AKAP13: variants seen among roughly 807,000 people sequenced by gnomAD.
The protein encoded by AKAP13 is A-kinase anchor protein 13.
Under a neutral mutation model 264.5 loss-of-function variants are expected in AKAP13, and 80 were observed. The observed-to-expected ratio is 0.30, with a 90% CI of 0.25 to 0.36. The LOEUF is 0.36. Among genes scored for constraint, AKAP13 ranks in the 10% least tolerant of loss-of-function variants. The pLI, the probability that AKAP13 is intolerant of heterozygous loss-of-function variation, is 1.00. For synonymous variants in AKAP13, 1,380 were observed against 1,250.2 expected, an observed-to-expected ratio of 1.10 and a Z score of -2.19; for missense variants, 3,712 against 3,435.2, an observed-to-expected ratio of 1.08 and a Z score of -2.01.
In AKAP13 at chr15:85,619,776, C is replaced by T. The variant is rs370725551; in HGVS notation, c.4162-19598C>T. On this transcript the variant is annotated intron_variant, in intron 8 of 36. Coordinates refer to ENST00000394518, the MANE Select transcript of AKAP13 (RefSeq NM_007200.5). ...AGTGATGGAAACGGTGTTTGCTTCT[C>T]TTTCAGTCAAGATCTGCACAAAGTA... 8.9e-5 allele frequency: 95 copies of T among 1,072,460 alleles called. 1 individual carries two copies. The East Asian group carries it at 4.6e-3, about 52-fold the overall frequency. 66.4% of individuals were successfully genotyped at this position (1,072,460 alleles called of 1,614,324 possible). A position where few individuals can be genotyped will look rare whatever the true frequency, so the allele number is the denominator to read the frequency against.
intron 1 of AKAP13, among the ~76,000 whole-genome samples, chr15:85,421,902 C>T (rs1207218428): frequency 1.3e-5 from 2 of 152,222 alleles, no homozygotes; most frequent in Non-Finnish European, 2.9e-5. Context: ...TATAATGTCA[C>T]CATTCGTGCT....
intron 4 of AKAP13, chr15:85,536,015 T>A (rs759295180): frequency 4.6e-5 from 7 of 152,246 alleles, no homozygotes; most frequent in Non-Finnish European, 8.8e-5. Flanking sequence ...TTGCCCAGGC[T>A]GGTCTTGAAC....
Position 85,579,577 on chromosome 15 carries a change from T to G in AKAP13, c.1509T>G (p.Ser503Arg). The change falls in exon 7 of 37, where the codon AGT becomes AGG. Residue 503 changes from serine to arginine, a missense_variant. Transcript: ENST00000394518. ...VWKNVLQGGE[S>R]TKERFENSNI... Reference sequence around the variant, plus strand: ...AGAATGTGCTTCAGGGAGGGGAAAGTACAAAGGAAAGATTTGAGAACTCTA... The same window carrying G: ...AGAATGTGCTTCAGGGAGGGGAAAGGACAAAGGAAAGATTTGAGAACTCTA... 6.2e-7 allele frequency: 1 copy of G among 1,614,116 alleles called. No homozygotes were observed. The highest frequency in any genetic ancestry group is 8.5e-7 in the Non-Finnish European group (1 of 1,180,020).
At chr15:85,725,848 T>G (rs1036245657) in intron 26 of AKAP13, among the ~76,000 whole-genome samples, 3 of 152,214 alleles carry the variant, frequency 2.0e-5, no homozygotes, top group Non-Finnish European at 4.4e-5. Context: ...TATTCACATG[T>G]ACCTGTAAGA....
intron 5 of AKAP13, among the ~76,000 whole-genome samples, chr15:85,571,377 G>A (rs2078813744): frequency 6.6e-6 from 1 of 151,908 alleles, no homozygotes; most frequent in South Asian, 2.1e-4. Flanking sequence ...CTATAGATCT[G>A]TTCTTTAATT....
chr15:85,417,339 G>T (rs1001471951), intron 1 of AKAP13, among the ~76,000 whole-genome samples: 2 of 152,122 alleles, frequency 1.3e-5, no homozygotes, highest in Non-Finnish European at 2.9e-5. Context: ...TTTAAAATTG[G>T]TATGTATGAC....
At chr15:85,595,309 A>G (rs1275917719) in intron 8 of AKAP13, among the ~76,000 whole-genome samples, 2 of 152,036 alleles carry the variant, frequency 1.3e-5, no homozygotes, top group Non-Finnish European at 2.9e-5. Context: ...AATGTTGCCC[A>G]GGCTGGTCTC....
At chr15:85,402,173 A>T (rs561776710) in intron 1 of AKAP13, among the ~76,000 whole-genome samples, 2 of 152,308 alleles carry the variant, frequency 1.3e-5, no homozygotes, top group Non-Finnish European at 2.9e-5. Context: ...AGATCCTTGG[A>T]ATTACATCAA....
intron 5 of AKAP13, among the ~76,000 whole-genome samples, chr15:85,564,271 G>A (rs1287064274): frequency 3.3e-5 from 5 of 152,194 alleles, no homozygotes; most frequent in African/African-American, 4.8e-5. Context: ...TGCAAGAAAC[G>A]TGCAATGAAC....
intron 1 of AKAP13, among the ~76,000 whole-genome samples, chr15:85,475,937 G>A (rs768261723): frequency 7.2e-5 from 11 of 152,124 alleles, no homozygotes; most frequent in Non-Finnish European, 1.3e-4. Context: ...GAGCAGTAGT[G>A]GTGTGGAGGG....
chr15:85,714,564 A>AG (rs1031574393), intron 19 of AKAP13, among the ~76,000 whole-genome samples: 4 of 152,230 alleles, frequency 2.6e-5, no homozygotes, highest in African/African-American at 4.8e-5. Flanking sequence ...CTAGAAGACA[A>AG]GGGGGGCTGA....
At chr15:85,554,000 G>A (rs1041891661) in intron 5 of AKAP13, among the ~76,000 whole-genome samples, 1 of 152,156 alleles carries the variant, frequency 6.6e-6, no homozygotes, top group East Asian at 1.9e-4. Flanking sequence ...ACTGGTCCTT[G>A]GTGCGAAAAA....
chr15:85,460,660 G>C (rs1349903391), intron 1 of AKAP13, among the ~76,000 whole-genome samples: 1 of 152,224 alleles, frequency 6.6e-6, no homozygotes, highest in Non-Finnish European at 1.5e-5. Flanking sequence ...AGATGGGCCA[G>C]TCTAATCATA....
At chr15:85,418,629 A>G (rs1176670463) in intron 1 of AKAP13, among the ~76,000 whole-genome samples, 3 of 152,236 alleles carry the variant, frequency 2.0e-5, no homozygotes, top group African/African-American at 7.2e-5. Context: ...TATAGCCACT[A>G]GTTTAATAAA....
intron 1 of AKAP13, among the ~76,000 whole-genome samples, chr15:85,405,748 G>A (rs2071630817): frequency 6.6e-6 from 1 of 152,144 alleles, no homozygotes; most frequent in Admixed American, 6.5e-5. Flanking sequence ...CTTCTCTAAC[G>A]GAGTAGCCTT....
chr15:85,562,479 C>T (rs1365185179), intron 5 of AKAP13, among the ~76,000 whole-genome samples: 2 of 148,140 alleles, frequency 1.4e-5, no homozygotes, highest in African/African-American at 2.5e-5. Context: ...GTGGGAGAAT[C>T]GCTTGTACCT....
intron 1 of AKAP13, among the ~76,000 whole-genome samples, chr15:85,394,450 T>G (rs1166147838): frequency 6.6e-6 from 1 of 152,204 alleles, no homozygotes; most frequent in African/African-American, 2.4e-5. Flanking sequence ...CTTTGAGCAT[T>G]TTGAAGGCCA....
intron 8 of AKAP13, among the ~76,000 whole-genome samples, chr15:85,606,503 T>G (rs2080348043): frequency 6.6e-6 from 1 of 152,132 alleles, no homozygotes; most frequent in African/African-American, 2.4e-5. Context: ...TGCTAAGAAA[T>G]CCAAAGAAAC....
intron 16 of AKAP13, among the ~76,000 whole-genome samples, chr15:85,690,741 G>A (rs1322520176): frequency 6.6e-6 from 1 of 152,202 alleles, no homozygotes; most frequent in Non-Finnish European, 1.5e-5. Context: ...GTGACCTTTT[G>A]CAAGTCAACC....
Sources: gnomAD v4.1 joint callset for allele counts (sites outside exome capture counted in the v4.1 genomes callset) on GRCh38, gnomAD v4.1.1 for gene constraint, MANE v1.5 for transcripts, NCBI Gene and HGNC (gene_info 2026-07-23, HGNC 2026-07-21) for gene names.